Variants in EIF4G3 observed in about 807,000 individuals in gnomAD.
The protein encoded by EIF4G3 is eIF-4-gamma 3.
Under a neutral mutation model 186.4 loss-of-function variants are expected in EIF4G3, and 34 were observed. The ratio of observed to expected loss-of-function variants is 0.18; its 90% confidence interval spans 0.14 to 0.24. EIF4G3 has a LOEUF of 0.24. Among genes scored for constraint, EIF4G3 ranks in the 10% least tolerant of loss-of-function variants. The pLI, the probability that EIF4G3 is intolerant of heterozygous loss-of-function variation, is 1.00. For synonymous variants in EIF4G3, 673 were observed against 679.5 expected (o/e 0.99, Z 0.15); for missense variants, 1,536 against 1,948.5 (o/e 0.79, Z 3.99).
At chr1:20,812,723 G>C (rs531570445) in intron 35 of EIF4G3, among the ~76,000 whole-genome samples, 1 of 152,200 alleles carries the variant, frequency 6.6e-6, no homozygotes, top group East Asian at 1.9e-4. Flanking sequence ...ACAAAGAACA[G>C]GACAAACTGT....
intron 5 of EIF4G3, 108 bp downstream of exon 5, chr1:21,002,605 G>C (rs1256092085): frequency 1.5e-5 from 18 of 1,177,290 alleles, no homozygotes; most frequent in Admixed American, 2.5e-5. Flanking sequence ...ATCATCTTTG[G>C]AACAAACTTC....
At chr1:20,905,206 A>C (rs1383378024) in intron 14 of EIF4G3, among the ~76,000 whole-genome samples, 1 of 152,214 alleles carries the variant, frequency 6.6e-6, no homozygotes, top group Non-Finnish European at 1.5e-5. Context: ...TTCCCATTTC[A>C]TGGTTAGAAA....
chr1:21,010,293 G>A (rs1450520442), intron 4 of EIF4G3, among the ~76,000 whole-genome samples: 5 of 151,734 alleles, frequency 3.3e-5, no homozygotes, highest in Admixed American at 6.6e-5. Flanking sequence ...GGTGGCTTGC[G>A]CCCATAGTCC....
chr1:21,140,051 T>C (rs1558148163), intron 2 of EIF4G3, among the ~76,000 whole-genome samples: 1 of 152,212 alleles, frequency 6.6e-6, no homozygotes, highest in Non-Finnish European at 1.5e-5. Context: ...TTTAAAAAGT[T>C]AGCAAGCATT....
At chr1:20,876,598 C>T (rs1425798055) in intron 20 of EIF4G3, among the ~76,000 whole-genome samples, 2 of 152,072 alleles carry the variant, frequency 1.3e-5, no homozygotes, top group African/African-American at 4.8e-5. Flanking sequence ...CAGTGACCAT[C>T]TGATAGGGAA....
intron 3 of EIF4G3, 63 bp from the exon 4 acceptor site, chr1:21,051,057 C>A: frequency 4.3e-6 from 3 of 703,146 alleles, no homozygotes; most frequent in Admixed American, 2.1e-5. Context: ...ATAAATACAG[C>A]TGAACTATCT....
intron 2 of EIF4G3, among the ~76,000 whole-genome samples, chr1:21,158,399 C>G (rs937063229): frequency 4.0e-5 from 6 of 151,836 alleles, no homozygotes; most frequent in African/African-American, 1.5e-4. Flanking sequence ...GGGTTTCAAA[C>G]TCCTAAGCTC....
intron 14 of EIF4G3, among the ~76,000 whole-genome samples, chr1:20,931,349 G>C (rs935845262): frequency 6.6e-6 from 1 of 152,146 alleles, no homozygotes; most frequent in African/African-American, 2.4e-5. Context: ...TATTTTGAAA[G>C]GAATCTTGCT....
At chr1:21,175,849 A>C (rs930521012) in intron 2 of EIF4G3, 6 of 159,384 alleles carry the variant, frequency 3.8e-5, no homozygotes, top group Non-Finnish European at 2.7e-5. Flanking sequence ...GGTCCCAGGC[A>C]CCAAGCAAAT....
intron 4 of EIF4G3, 35 bp from the exon 5 acceptor site, chr1:21,002,843 G>GA: frequency 8.2e-7 from 1 of 1,212,804 alleles, no homozygotes; most frequent in Non-Finnish European, 1.2e-6. Context: ...ATAATATTTT[G>GA]AAAAAATATG....
chr1:20,938,331 C>G (rs533568885), intron 14 of EIF4G3, among the ~76,000 whole-genome samples: 1 of 152,264 alleles, frequency 6.6e-6, no homozygotes, highest in Admixed American at 6.5e-5. Flanking sequence ...GAAATATGAT[C>G]TAGAATAGTT....
chr1:20,978,872 C>T (rs549818388), intron 10 of EIF4G3, among the ~76,000 whole-genome samples: 1 of 151,580 alleles, frequency 6.6e-6, no homozygotes, highest in Non-Finnish European at 1.5e-5. Context: ...AGTAAAGCCA[C>T]GTAACATTTG....
In EIF4G3 at chr1:21,176,876, C is replaced by G. The variant is rs757443010; in HGVS notation, c.-610G>C. The stretch of plus-strand genomic sequence containing the variant: ...ATCCAACATGGCGCTGTGGCCGCCT[C>G]CAGCAGTCCGGCAGGACGGCTGCTC... On this transcript the variant is annotated 5_prime_UTR_variant, in exon 1 of 37. Transcript: ENST00000602326. 21 of 696,838 alleles carry G rather than the reference C, an allele frequency of 3.0e-5. No homozygotes were observed. In the South Asian group the frequency reaches 3.1e-4, roughly 10 times the overall value. 43.2% of individuals were successfully genotyped at this position (696,838 alleles called of 1,614,324 possible).
intron 18 of EIF4G3, chr1:20,893,297 A>T (rs2086769353): frequency 5.0e-6 from 2 of 401,470 alleles, no homozygotes; most frequent in Admixed American, 4.5e-5. Flanking sequence ...GAAAAAAAAA[A>T]TCAAGACCAA....
intron 14 of EIF4G3, among the ~76,000 whole-genome samples, chr1:20,929,853 T>G (rs2095207792): frequency 6.6e-6 from 1 of 152,202 alleles, no homozygotes; most frequent in African/African-American, 2.4e-5. Flanking sequence ...TAAATTTTAC[T>G]GCCAGTGTTT....
chr1:21,017,890 C>A (rs1255750883), intron 4 of EIF4G3, among the ~76,000 whole-genome samples: 1 of 151,958 alleles, frequency 6.6e-6, no homozygotes, highest in Non-Finnish European at 1.5e-5. Context: ...CAAAAAGTTT[C>A]AGTTTTGCAA....
At chr1:21,096,632 C>T (rs957911195) in intron 2 of EIF4G3, among the ~76,000 whole-genome samples, 18 of 152,274 alleles carry the variant, frequency 1.2e-4, no homozygotes, top group Non-Finnish European at 2.5e-4. Flanking sequence ...CAAAATAAAA[C>T]ATGCTGATAT....
chr1:21,140,870 T>C (rs990035324), intron 2 of EIF4G3, among the ~76,000 whole-genome samples: 1 of 152,158 alleles, frequency 6.6e-6, no homozygotes, highest in African/African-American at 2.4e-5. Context: ...TGTTACCAGT[T>C]ACTAAAATAA....
intron 14 of EIF4G3, among the ~76,000 whole-genome samples, chr1:20,917,385 T>C (rs1324008474): frequency 1.3e-5 from 2 of 152,216 alleles, no homozygotes; most frequent in South Asian, 2.1e-4. Context: ...TGCATGCCTG[T>C]TGTCCCAGCT....
Sources: allele counts gnomAD v4.1 joint callset (sites outside exome capture counted in the v4.1 genomes callset), GRCh38; gene constraint gnomAD v4.1.1; transcripts MANE v1.5; gene names NCBI Gene and HGNC (gene_info 2026-07-23, HGNC 2026-07-21).